Variants in R3HDM2 observed in about 807,000 individuals in gnomAD.
R3HDM2 encodes R3H domain-containing protein 2.
Under a neutral mutation model 124.5 loss-of-function variants are expected in R3HDM2, and 38 were observed. The ratio of observed to expected loss-of-function variants is 0.31; its 90% confidence interval spans 0.24 to 0.40. The LOEUF (loss-of-function observed/expected upper bound fraction) is 0.40. Ranked by LOEUF, R3HDM2 falls within the 10% of genes least tolerant of loss-of-function variation. The probability of loss-of-function intolerance (pLI) is 1.00; values close to 1 mark genes in which losing one functional copy is unlikely to be tolerated. For missense variants in R3HDM2, 869 were observed against 1,236.9 expected (o/e 0.70, Z 4.46); for synonymous variants, 391 against 448.0 (o/e 0.87, Z 1.61).
chr12:57,292,760 A>G (rs1451430914), intron 10 of R3HDM2, 93 bp from the exon 11 acceptor site: 4 of 803,496 alleles, frequency 5.0e-6, no homozygotes, highest in Non-Finnish European at 7.9e-6. Context: ...GAAAGTTTAT[A>G]GTTGCCATCA....
intron 20 of R3HDM2, 28 bp downstream of exon 20, chr12:57,258,862 C>T (rs770586650): frequency 1.4e-6 from 2 of 1,473,826 alleles, no homozygotes; most frequent in Non-Finnish European, 1.8e-6. Flanking sequence ...CATCTCCTTG[C>T]CAAGACAAGG....
chr12:57,355,153 C>T (rs2137359017), intron 2 of R3HDM2, among the ~76,000 whole-genome samples: 1 of 151,348 alleles, frequency 6.6e-6, no homozygotes, highest in African/African-American at 2.4e-5. Flanking sequence ...ACGGTTTATC[C>T]AATTGTTTAA....
At chr12:57,427,738 TAG>T (rs1211316280) in intron 1 of R3HDM2, among the ~76,000 whole-genome samples, 2 of 151,672 alleles carry the variant, frequency 1.3e-5, no homozygotes, top group Non-Finnish European at 2.9e-5. Context: ...AAAAGGGGGA[TAG>T]AGAGTTATGT....
chr12:57,292,358 G>A (rs2048848252), intron 11 of R3HDM2, among the ~76,000 whole-genome samples: 1 of 152,262 alleles, frequency 6.6e-6, no homozygotes, highest in South Asian at 2.1e-4. Context: ...AATACCATAT[G>A]GCAGAATGTA....
intron 2 of R3HDM2, among the ~76,000 whole-genome samples, chr12:57,349,563 G>GT (rs1160107550): frequency 6.7e-6 from 1 of 149,034 alleles, no homozygotes; most frequent in African/African-American, 2.5e-5. Context: ...TTGTTTTTTG[G>GT]TTGTTTTTTT....
intron 2 of R3HDM2, among the ~76,000 whole-genome samples, chr12:57,355,875 T>C (rs959733010): frequency 6.6e-6 from 1 of 152,244 alleles, no homozygotes; most frequent in East Asian, 1.9e-4. Flanking sequence ...GTTTTGTCAA[T>C]TTCAGATTGC....
rs569055664 is a variant in R3HDM2 at position 57,280,196 on chromosome 12, G to T, written c.1344+162C>A. Among the ~76,000 whole-genome samples the T allele has an allele frequency of 3.9e-5, 6 of 152,196 alleles. No individual in the cohort carries two copies. The South Asian group carries it at 1.2e-3, about 32-fold the overall frequency. ...TTATTTGGCAAAACCTTTGCTCAAG[G>T]TTCTTCTTTCCCTACAACTAACAAA... On this transcript the variant is annotated intron_variant, in intron 14 of 23. Transcript: ENST00000402412.
intron 1 of R3HDM2, chr12:57,418,082 G>T (rs1162718930): frequency 2.4e-6 from 2 of 849,064 alleles, no homozygotes; most frequent in Non-Finnish European, 2.8e-6. Context: ...CTAGCTGCTA[G>T]ACATTTCCAA....
intron 2 of R3HDM2, among the ~76,000 whole-genome samples, chr12:57,337,752 G>A (rs2059042707): frequency 6.6e-6 from 1 of 152,040 alleles, no homozygotes; most frequent in Non-Finnish European, 1.5e-5. Flanking sequence ...GCATGAAGAG[G>A]GTATCTTCTC....
chr12:57,374,541 G>C (rs1033893369), intron 2 of R3HDM2, among the ~76,000 whole-genome samples: 1 of 151,250 alleles, frequency 6.6e-6, no homozygotes, highest in African/African-American at 2.4e-5. Context: ...AAATTAGCCA[G>C]GCATGGTGGC....
At chr12:57,380,594 G>A (rs180855166) in intron 2 of R3HDM2, among the ~76,000 whole-genome samples, 358 of 152,200 alleles carry the variant, frequency 2.4e-3, no homozygotes, top group Middle Eastern at 0.02. Context: ...GTCTGATTCC[G>A]AAACTTGTCT....
chr12:57,345,341 CA>C (rs1482671478), intron 2 of R3HDM2, among the ~76,000 whole-genome samples: 1 of 152,004 alleles, frequency 6.6e-6, no homozygotes, highest in Admixed American at 6.6e-5. Context: ...GTAATTGCCC[CA>C]AACAGGATAA....
intron 2 of R3HDM2, among the ~76,000 whole-genome samples, chr12:57,315,880 G>A (rs759063814): frequency 2.0e-5 from 3 of 152,166 alleles, no homozygotes; most frequent in Non-Finnish European, 2.9e-5. Context: ...AGCACTTTGG[G>A]AGGCCAAGGC....
intron 1 of R3HDM2, among the ~76,000 whole-genome samples, chr12:57,424,862 C>A (rs1470908667): frequency 1.3e-5 from 2 of 152,072 alleles, no homozygotes; most frequent in Non-Finnish European, 2.9e-5. Context: ...AACCACCAAG[C>A]CAAGCCTATA....
intron 4 of R3HDM2, 56 bp from the exon 5 acceptor site, chr12:57,300,237 C>T: frequency 7.1e-7 from 1 of 1,400,612 alleles, no homozygotes; most frequent in South Asian, 1.3e-5. Flanking sequence ...TATATTTCTT[C>T]CCTCGGTGAA....
chr12:57,310,234 G>T, intron 3 of R3HDM2, 30 bp downstream of exon 3: 1 of 1,335,814 alleles, frequency 7.5e-7, no homozygotes. Flanking sequence ...AAAAAAAAAA[G>T]TGTGCATACA....
At chr12:57,420,816 CT>C (rs1317809811) in intron 1 of R3HDM2, among the ~76,000 whole-genome samples, 8 of 152,116 alleles carry the variant, frequency 5.3e-5, no homozygotes, top group Non-Finnish European at 1.2e-4. Context: ...ATCACTTCAA[CT>C]ACAACGTATA....
intron 1 of R3HDM2, among the ~76,000 whole-genome samples, 191 bp from the exon 2 acceptor site, chr12:57,396,009 T>TA (rs57411817): frequency 0.012 from 1,831 of 152,198 alleles, 33 homozygotes; most frequent in African/African-American, 0.041. Context: ...AATTTACAAT[T>TA]AAAAAAACCC....
chr12:57,417,184 ACC>A (rs1384201029), intron 1 of R3HDM2, among the ~76,000 whole-genome samples: 1 of 151,656 alleles, frequency 6.6e-6, no homozygotes, highest in Admixed American at 6.6e-5. Context: ...TGGGTGGATC[ACC>A]TTAGGTCAAG....
Sources: allele counts gnomAD v4.1 joint callset (sites outside exome capture counted in the v4.1 genomes callset), GRCh38; gene constraint gnomAD v4.1.1; transcripts MANE v1.5; gene names NCBI Gene and HGNC (gene_info 2026-07-23, HGNC 2026-07-21).